The following RALGPS1 variants were observed in gnomAD, a reference collection of about 807,000 sequenced individuals.
The protein encoded by RALGPS1 is ras-specific guanine nucleotide-releasing factor RalGPS1.
Under a neutral mutation model 78.8 loss-of-function variants are expected in RALGPS1, and 19 were observed. The observed-to-expected ratio is 0.24, with a 90% CI of 0.17 to 0.35. The LOEUF is 0.35. RALGPS1 is among the 10% of genes least tolerant of loss of function. RALGPS1 has a pLI of 1.00. For missense variants in RALGPS1, 454 were observed against 688.3 expected, an observed-to-expected ratio of 0.66 and a Z score of 3.81; for synonymous variants, 228 against 256.3, an observed-to-expected ratio of 0.89 and a Z score of 1.06.
chr9:126,938,944 T>C (rs953583592), intron 1 of RALGPS1, among the ~76,000 whole-genome samples: 4 of 152,138 alleles, frequency 2.6e-5, no homozygotes, highest in African/African-American at 9.7e-5. Flanking sequence ...TTTTTGCTGG[T>C]GGTGAAAGAA....
At chr9:126,961,334 G>T (rs1056309954) in intron 1 of RALGPS1, among the ~76,000 whole-genome samples, 2 of 152,188 alleles carry the variant, frequency 1.3e-5, no homozygotes, top group Admixed American at 6.5e-5. Flanking sequence ...ATGCAATAGG[G>T]TGTAATGATA....
chr9:126,953,405 G>T (rs1015898442), intron 1 of RALGPS1, among the ~76,000 whole-genome samples: 1 of 152,078 alleles, frequency 6.6e-6, no homozygotes, highest in Non-Finnish European at 1.5e-5. Context: ...GTGTGTGTAT[G>T]TGTAAGGTGA....
At chr9:127,101,318 G>A (rs763413738) in intron 8 of RALGPS1, among the ~76,000 whole-genome samples, 1 of 152,206 alleles carries the variant, frequency 6.6e-6, no homozygotes, top group Non-Finnish European at 1.5e-5. Context: ...GAGGATCTGG[G>A]ATTAGAACTC....
At chr9:127,156,549 TA>T (rs1410438813) in intron 8 of RALGPS1, among the ~76,000 whole-genome samples, 4 of 152,216 alleles carry the variant, frequency 2.6e-5, no homozygotes, top group Admixed American at 1.3e-4. Context: ...TTCACATTTT[TA>T]TTTACATTTA....
chr9:127,177,227 G>A (rs2059931684), intron 11 of RALGPS1, among the ~76,000 whole-genome samples: 1 of 152,178 alleles, frequency 6.6e-6, no homozygotes, highest in South Asian at 2.1e-4. Context: ...TGAAGAGCCA[G>A]GCTGCAGCTC....
intron 11 of RALGPS1, among the ~76,000 whole-genome samples, chr9:127,179,239 A>C (rs1006435433): frequency 1.3e-5 from 2 of 152,218 alleles, no homozygotes; most frequent in African/African-American, 4.8e-5. Flanking sequence ...TAGAGGGTCG[A>C]GGAGTGCCTG....
chr9:127,093,730 C>T (rs2052765196), intron 8 of RALGPS1: 3 of 1,613,940 alleles, frequency 1.9e-6, no homozygotes, highest in East Asian at 2.2e-5. Context: ...TGCCGAGTCT[C>T]ACCTTGTACG....
intron 8 of RALGPS1, among the ~76,000 whole-genome samples, chr9:127,136,442 C>T (rs2057397931): frequency 6.6e-6 from 1 of 152,204 alleles, no homozygotes; most frequent in African/African-American, 2.4e-5. Flanking sequence ...CTGCTGGGAG[C>T]TCCCAGAGGC....
intron 8 of RALGPS1, among the ~76,000 whole-genome samples, chr9:127,077,041 G>C (rs558367237): frequency 1.8e-4 from 27 of 152,248 alleles, no homozygotes; most frequent in African/African-American, 6.5e-4. Flanking sequence ...GAAGGGAGGG[G>C]AAGATTGCTT....
intron 7 of RALGPS1, among the ~76,000 whole-genome samples, chr9:127,065,016 T>C (rs2049560588): frequency 6.6e-6 from 1 of 151,994 alleles, no homozygotes; most frequent in Non-Finnish European, 1.5e-5. Context: ...CATAGCTCAC[T>C]GCAACCTTGA....
rs1355719142 is a variant in RALGPS1, at chr9:127,220,525, G to A, written c.*1756G>A. On this transcript the variant is annotated 3_prime_UTR_variant, in exon 19 of 19. Coordinates refer to ENST00000259351, the MANE Select transcript of RALGPS1 (RefSeq NM_014636.3). ...TAAGAGAAACTCCCAGGTGATAAAA[G>A]TTGATGCCATCAAACCTTGACACCG... 4.6e-5 allele frequency: 7 copies of A among 152,180 alleles called. No homozygotes were observed. Among genetic ancestry groups the A allele is most frequent in the African/African-American group, 7.2e-5 (3 of 41,430 alleles). 9.4% of individuals were successfully genotyped at this position (152,180 alleles called of 1,614,324 possible).
chr9:127,152,836 A>T (rs2058498088), intron 8 of RALGPS1, among the ~76,000 whole-genome samples: 1 of 152,108 alleles, frequency 6.6e-6, no homozygotes, highest in Non-Finnish European at 1.5e-5. Context: ...ATTTTTTCTC[A>T]AGTAACTTCA....
At chr9:127,097,291 G>A (rs1219534602) in intron 8 of RALGPS1, among the ~76,000 whole-genome samples, 2 of 152,318 alleles carry the variant, frequency 1.3e-5, no homozygotes, top group East Asian at 1.9e-4. Flanking sequence ...GGCAAACGGG[G>A]TAATTCTTTT....
chr9:127,088,780 T>C, intron 8 of RALGPS1: 1 of 789,640 alleles, frequency 1.3e-6, no homozygotes, highest in South Asian at 1.8e-5. Context: ...ATCGATTCAG[T>C]TCCATCATCC....
chr9:127,047,767 T>C (rs2047942048), intron 5 of RALGPS1, among the ~76,000 whole-genome samples: 1 of 152,162 alleles, frequency 6.6e-6, no homozygotes, highest in South Asian at 2.1e-4. Flanking sequence ...TTGGTCTATA[T>C]GTGAGACTGA....
chr9:127,192,821 T>C (rs2061146532), intron 11 of RALGPS1, among the ~76,000 whole-genome samples: 2 of 152,142 alleles, frequency 1.3e-5, no homozygotes, highest in South Asian at 4.1e-4. Flanking sequence ...GTGACAGTGA[T>C]TGAAGAGGCA....
Position 127,211,450 on chromosome 9 carries a change from A to G in RALGPS1, c.1248-681A>G, listed in dbSNP as rs1189952381. On this transcript the variant is annotated intron_variant, in intron 14 of 18. Transcript: ENST00000259351. This position sits in a 1 kb window ranked among gnomAD's most constrained non-coding sequence, Gnocchi z 5.0. The stretch of plus-strand genomic sequence containing the variant: ...CCCCAGTGCATCCTTGGGATTGATT[A>G]GGTTGCAGGGGCATCCGAGAGGAAG... 1.3e-5 allele frequency among the ~76,000 whole-genome samples: 2 copies of G among 152,184 alleles called. No individual in the cohort carries two copies. Among genetic ancestry groups the G allele is most frequent in the Admixed American group, 6.5e-5 (1 of 15,282 alleles).
At chr9:126,958,585 G>C (rs1180293735) in intron 1 of RALGPS1, among the ~76,000 whole-genome samples, 1 of 152,168 alleles carries the variant, frequency 6.6e-6, no homozygotes, top group Non-Finnish European at 1.5e-5. Context: ...TGAAGTGGCT[G>C]TATCAGTGCG....
chr9:126,934,060 C>A (rs1280172622), intron 1 of RALGPS1, among the ~76,000 whole-genome samples: 3 of 152,246 alleles, frequency 2.0e-5, no homozygotes, highest in South Asian at 4.1e-4. Flanking sequence ...GTATCCAAAG[C>A]ATGATGGGAA....
Sources: gnomAD v4.1 joint callset for allele counts (sites outside exome capture counted in the v4.1 genomes callset) on GRCh38, gnomAD v4.1.1 for gene constraint, Gnocchi (gnomAD v3.1) non-coding constraint, MANE v1.5 for transcripts, NCBI Gene and HGNC (gene_info 2026-07-23, HGNC 2026-07-21) for gene names.